Variants in DCC observed in about 807,000 individuals in gnomAD.
DCC encodes the protein DCC netrin 1 receptor.
Under a neutral mutation model 172.5 loss-of-function variants are expected in DCC, and 58 were observed. The observed-to-expected ratio is 0.34, with a 90% CI of 0.27 to 0.42. The LOEUF is 0.42. Among genes scored for constraint, DCC ranks in the 10% least tolerant of loss-of-function variants. DCC has a pLI of 1.00. For missense variants in DCC, 1,740 were observed against 1,791.0 expected, an observed-to-expected ratio of 0.97 and a Z score of 0.51; for synonymous variants, 709 against 644.5, an observed-to-expected ratio of 1.10 and a Z score of -1.52.
At chr18:52,956,004 C>T (rs548305393) in intron 5 of DCC, among the ~76,000 whole-genome samples, 2 of 151,642 alleles carry the variant, frequency 1.3e-5, no homozygotes, top group East Asian at 3.9e-4. Flanking sequence ...AAGGTTTTCT[C>T]CCAGTCAGTG....
chr18:53,158,352 G>A (rs868844995), intron 8 of DCC, among the ~76,000 whole-genome samples: 1 of 152,058 alleles, frequency 6.6e-6, no homozygotes, highest in Non-Finnish European at 1.5e-5. Context: ...TTCCCCTTAA[G>A]ATATTTCACC....
At chr18:52,576,653 C>G (rs566328119) in intron 1 of DCC, among the ~76,000 whole-genome samples, 23 of 152,092 alleles carry the variant, frequency 1.5e-4, no homozygotes, top group African/African-American at 5.5e-4. Flanking sequence ...CATAGTGAAA[C>G]CCCATCTTTA....
chr18:52,922,621 C>T (rs2145484146), intron 3 of DCC, among the ~76,000 whole-genome samples: 1 of 152,250 alleles, frequency 6.6e-6, no homozygotes, highest in Admixed American at 6.5e-5. Flanking sequence ...TTAAGTCTTC[C>T]TCAGGAGATG....
intron 2 of DCC, among the ~76,000 whole-genome samples, chr18:52,871,018 G>C (rs909931742): frequency 6.6e-6 from 1 of 152,046 alleles, no homozygotes; most frequent in African/African-American, 2.4e-5. Context: ...AGGCCTCCCG[G>C]GATTGGACTT....
At chr18:52,727,745 A>AGCAG (rs2145088339) in intron 1 of DCC, among the ~76,000 whole-genome samples, 1 of 152,292 alleles carries the variant, frequency 6.6e-6, no homozygotes, top group South Asian at 2.1e-4. Flanking sequence ...GAGAGCATGA[A>AGCAG]GCAGGGATTT....
At chr18:52,739,048 T>C (rs1289226942) in intron 1 of DCC, among the ~76,000 whole-genome samples, 1 of 152,128 alleles carries the variant, frequency 6.6e-6, no homozygotes, top group Non-Finnish European at 1.5e-5. Context: ...GGCAGCACAG[T>C]AGATTTGTTT....
At chr18:52,780,114 T>G (rs1027419078) in intron 2 of DCC, among the ~76,000 whole-genome samples, 2 of 152,182 alleles carry the variant, frequency 1.3e-5, no homozygotes, top group Non-Finnish European at 2.9e-5. Context: ...TTTTCATAGC[T>G]TTCTGCAGGT....
At chr18:53,338,837 T>A (rs961537320) in intron 14 of DCC, among the ~76,000 whole-genome samples, 2 of 152,196 alleles carry the variant, frequency 1.3e-5, no homozygotes, top group Non-Finnish European at 2.9e-5. Context: ...ATGGGTAAGT[T>A]TGCATGAATT....
chr18:53,138,019 G>T (rs771202037), intron 7 of DCC, among the ~76,000 whole-genome samples: 2 of 151,730 alleles, frequency 1.3e-5, no homozygotes, highest in Non-Finnish European at 2.9e-5. Flanking sequence ...GTAGAGACAG[G>T]ATGTTGCAAT....
At position 52,891,483 on chromosome 18, in the gene DCC, T is replaced by C. The variant is rs370635669; in HGVS notation, c.413-14561T>C. On this transcript the variant is annotated intron_variant, in intron 2 of 28. Transcript: ENST00000442544. ...TCACAAAGTAATGTATTTTTATAAA[T>C]GATAGAAACCTTGGGGGTCAACCTC... Among the ~76,000 whole-genome samples the C allele has an allele frequency of 1.8e-4, 27 of 152,254 alleles. 1 individual carries two copies. In the South Asian group the frequency reaches 2.7e-3, roughly 15 times the overall value.
intron 1 of DCC, among the ~76,000 whole-genome samples, chr18:52,479,832 C>T (rs1490216875): frequency 2.0e-5 from 3 of 151,930 alleles, no homozygotes; most frequent in Non-Finnish European, 2.9e-5. Flanking sequence ...TTTTTTCTCT[C>T]TCGTGGGTTC....
chr18:53,398,113 A>T (rs928882293), intron 18 of DCC, among the ~76,000 whole-genome samples: 6 of 152,206 alleles, frequency 3.9e-5, no homozygotes, highest in African/African-American at 1.4e-4. Context: ...CAGAAATCCA[A>T]CTTCTGAAGA....
chr18:53,494,506 G>A (rs2045996213), intron 26 of DCC, among the ~76,000 whole-genome samples: 1 of 152,326 alleles, frequency 6.6e-6, no homozygotes, highest in African/African-American at 2.4e-5. Flanking sequence ...TGCATTGGGT[G>A]CATATACATT....
At chr18:53,507,497 CT>C (rs2144510371) in intron 27 of DCC, among the ~76,000 whole-genome samples, 1 of 152,296 alleles carries the variant, frequency 6.6e-6, no homozygotes, top group Non-Finnish European at 1.5e-5. Context: ...TGTTAAACAT[CT>C]TGTGTGTGTT....
At chr18:53,323,434 T>C (rs1214252609) in intron 14 of DCC, among the ~76,000 whole-genome samples, 1 of 152,240 alleles carries the variant, frequency 6.6e-6, no homozygotes, top group Non-Finnish European at 1.5e-5. Context: ...TCAAAGAATG[T>C]TTATAGAAGT....
chr18:53,372,782 C>T (rs1302890447), intron 15 of DCC, among the ~76,000 whole-genome samples: 4 of 151,936 alleles, frequency 2.6e-5, no homozygotes, highest in Admixed American at 6.6e-5. Flanking sequence ...GCCTTCCACT[C>T]TCTTGTGCCT....
intron 14 of DCC, among the ~76,000 whole-genome samples, chr18:53,326,818 A>G (rs1459161437): frequency 6.6e-6 from 1 of 152,192 alleles, no homozygotes; most frequent in Non-Finnish European, 1.5e-5. Context: ...AAGGATAAGG[A>G]GAAAAAGCAA....
At chr18:52,561,671 G>C (rs897505171) in intron 1 of DCC, among the ~76,000 whole-genome samples, 1 of 151,976 alleles carries the variant, frequency 6.6e-6, no homozygotes, top group Non-Finnish European at 1.5e-5. Flanking sequence ...ACCAATCCAG[G>C]GCTTTCTGCT....
intron 2 of DCC, among the ~76,000 whole-genome samples, chr18:52,854,741 G>T (rs1019459412): frequency 2.0e-5 from 3 of 152,172 alleles, no homozygotes; most frequent in African/African-American, 7.2e-5. Flanking sequence ...ATCCATCACA[G>T]AAAGCCCGCC....
Sources: gnomAD v4.1 joint callset for allele counts (sites outside exome capture counted in the v4.1 genomes callset) on GRCh38, gnomAD v4.1.1 for gene constraint, MANE v1.5 for transcripts, NCBI Gene and HGNC (gene_info 2026-07-23, HGNC 2026-07-21) for gene names.